MYB: variants seen among roughly 807,000 people sequenced by gnomAD.
The protein encoded by MYB is transcriptional activator Myb.
MYB carries 28 observed loss-of-function variants against 92.9 expected under a neutral mutation model. The observed-to-expected ratio is 0.30, with a 90% CI of 0.22 to 0.41. The LOEUF is 0.41. MYB is among the 10% of genes least tolerant of loss of function. The pLI is 1.00. For synonymous variants in MYB, 295 were observed against 329.1 expected (o/e 0.90, Z 1.12); for missense variants, 679 against 929.3 (o/e 0.73, Z 3.50).
chr6:135,190,097 CAT>C lies in MYB; in HGVS notation c.307-28_307-27del. The C allele has an allele frequency of 1.5e-5, 24 of 1,600,450 alleles. No homozygotes were observed. Among genetic ancestry groups the C allele is most frequent in the Non-Finnish European group, 2.1e-5 (24 of 1,168,804 alleles). ...ACTGACTCATTACATAACTTTAAAA[CAT>C]AGGTTATTTTTGTGTGTTTATCTGA... On this transcript the variant is annotated intron_variant, in intron 4 of 15. Coordinates refer to ENST00000341911, the MANE Select transcript of MYB (RefSeq NM_001130173.2). The surrounding 1 kb of genome is among the most constrained non-coding windows in gnomAD (Gnocchi z 4.5).
intron 1 of MYB, among the ~76,000 whole-genome samples, chr6:135,184,112 C>G (rs928701780): frequency 3.9e-5 from 6 of 152,104 alleles, no homozygotes; most frequent in Non-Finnish European, 7.4e-5. Flanking sequence ...AATGACTACT[C>G]TGAAAAATGT....
At chr6:135,200,698 T>C (rs1448938036) in intron 13 of MYB, 1 of 407,732 alleles carries the variant, frequency 2.5e-6, no homozygotes, top group Middle Eastern at 3.5e-4. Flanking sequence ...TTTTAAACAT[T>C]ACTGATTATA....
intron 15 of MYB, among the ~76,000 whole-genome samples, chr6:135,206,278 A>G (rs376522442): frequency 6.4e-4 from 97 of 151,066 alleles, no homozygotes; most frequent in African/African-American, 2.3e-3. Flanking sequence ...CATACCTGTA[A>G]TCCTAGCTAC....
Position 135,199,068 on chromosome 6 carries a change from G to A in MYB, c.1709+18G>A. On this transcript the variant is annotated intron_variant, in intron 11 of 15. Coordinates refer to ENST00000341911, the MANE Select transcript of MYB (RefSeq NM_001130173.2). ...AATACTGTGTAAGTCTTTGGTTCAG[G>A]AATAAAATGATTTATCTTATTTACT... 6.4e-7 allele frequency: 1 copy of A among 1,551,780 alleles called. No individual in the cohort carries two copies. The highest frequency in any genetic ancestry group is 1.2e-5 in the South Asian group (1 of 81,630).
intron 1 of MYB, among the ~76,000 whole-genome samples, chr6:135,185,142 GAGTA>G (rs1279784293): frequency 2.0e-5 from 3 of 152,252 alleles, no homozygotes; most frequent in Admixed American, 6.5e-5. Flanking sequence ...GAAAAAACAA[GAGTA>G]AGTAAGACTC....
Position 135,195,845 on chromosome 6 carries a change from G to A in MYB, c.1046G>A (p.Gly349Glu), listed in dbSNP as rs764278331. 1.2e-6 allele frequency: 2 copies of A among 1,614,042 alleles called. No individual in the cohort carries two copies. Among genetic ancestry groups the A allele is most frequent in the Admixed American group, 1.7e-5 (1 of 60,006 alleles). ...GACAGTGCACCTGTTTCCTGTTTGG[G>A]AGAACACCACTCCACTCCATCTCTG... The part of the protein sequence containing the change: ...HGDSAPVSCL[G>E]EHHSTPSLPA... The change falls in exon 9 of 16, where the codon GGA (glycine) becomes GAA (glutamate). Residue 349 changes from glycine (G) to glutamate (E), a missense_variant. Around this residue, in one of 8 missense-constraint regions of MYB, gnomAD observed 56 missense variants for 55.8 expected, o/e 1.00. Coordinates refer to ENST00000341911, the MANE Select transcript of MYB (RefSeq NM_001130173.2).
chr6:135,193,214 G>T (rs922206599), intron 6 of MYB, among the ~76,000 whole-genome samples: 4 of 151,746 alleles, frequency 2.6e-5, no homozygotes, highest in African/African-American at 9.7e-5. Context: ...CATAATAGGT[G>T]GAAAAAGAAG....
At chr6:135,199,977 G>T in intron 11 of MYB, 108 bp from the exon 12 acceptor site, 1 of 849,622 alleles carries the variant, frequency 1.2e-6, no homozygotes, top group Non-Finnish European at 1.9e-6. Flanking sequence ...TTCCATATCC[G>T]GAACAGAGTT....
At chr6:135,213,880 G>A (rs210944) in intron 15 of MYB, among the ~76,000 whole-genome samples, 93,473 of 151,836 alleles carry the variant, frequency 0.62, 31,051 homozygotes, top group African/African-American at 0.9. Flanking sequence ...TCTCAAAAAC[G>A]AAAACAAAAA....
At position 135,218,059 on chromosome 6, in the gene MYB, T is replaced by C; in HGVS notation, c.*79T>C. 4.4e-6 allele frequency: 5 copies of C among 1,140,838 alleles called. No homozygotes were observed. The highest frequency in any genetic ancestry group is 5.3e-6 in the Non-Finnish European group (4 of 754,134). The allele number at this position is 1,140,838 out of a possible 1,614,324, so 70.7% of individuals were successfully genotyped here. ...TATATCATTCCTCAACATGAAACTT[T>C]TCATGAATGGGAGAAGAACCTATTT... On this transcript the variant is annotated 3_prime_UTR_variant, in exon 16 of 16. Coordinates refer to ENST00000341911, the MANE Select transcript of MYB (RefSeq NM_001130173.2).
rs1780760372 is a variant in MYB at position 135,218,961 on chromosome 6, A to G, written c.*981A>G. ...CTGTTTTATAATTTGGGAGTTCTGC[A>G]TTTGATCCGCATCCCCTGTGGTTTC... On this transcript the variant is annotated 3_prime_UTR_variant, in exon 16 of 16. Transcript: ENST00000341911. 1 of 225,992 alleles carries G rather than the reference A, an allele frequency of 4.4e-6. No homozygotes were observed. The highest frequency in any genetic ancestry group is 1.8e-4 in the South Asian group (1 of 5,462). 14.0% of individuals were successfully genotyped at this position (225,992 alleles called of 1,614,324 possible). A position where few individuals can be genotyped will look rare whatever the true frequency, so the allele number is the denominator to read the frequency against.
intron 10 of MYB, 136 bp from the exon 11 acceptor site, chr6:135,198,772 C>T (rs960483058): frequency 5.9e-6 from 4 of 674,854 alleles, no homozygotes; most frequent in Non-Finnish European, 7.2e-6. Flanking sequence ...GTCAATATAA[C>T]ATGCTTGTTA....
At chr6:135,207,632 G>A (rs1206037367) in intron 15 of MYB, among the ~76,000 whole-genome samples, 1 of 151,922 alleles carries the variant, frequency 6.6e-6, no homozygotes, top group Non-Finnish European at 1.5e-5. Context: ...GAGAAGCTAT[G>A]TGTTTGACAT....
Position 135,217,807 on chromosome 6 carries a change from G to A in MYB, c.2170-57G>A, listed in dbSNP as rs938340599. 16 of 1,227,052 alleles carry A rather than the reference G, an allele frequency of 1.3e-5. No homozygotes were observed. The Admixed American group carries it at 2.5e-4, about 19-fold the overall frequency. The allele number at this position is 1,227,052 out of a possible 1,614,324, so 76.0% of individuals were successfully genotyped here. ...TGTTGGTCAGTGCTGGCCCTGCTGGGTCTATAGAATGAGCTTCTTTGTCTG... is the reference window on the plus strand; with the variant it reads ...TGTTGGTCAGTGCTGGCCCTGCTGGATCTATAGAATGAGCTTCTTTGTCTG... On this transcript the variant is annotated intron_variant, in intron 15 of 15. Coordinates refer to ENST00000341911, the MANE Select transcript of MYB (RefSeq NM_001130173.2).
At chr6:135,196,733 G>A (rs1392489575) in intron 9 of MYB, 1 of 1,503,200 alleles carries the variant, frequency 6.7e-7, no homozygotes, top group Non-Finnish European at 8.9e-7. Flanking sequence ...CAGATGTAGA[G>A]TGTCGGGAGG....
intron 10 of MYB, 31 bp downstream of exon 10, chr6:135,197,354 C>G (rs201628674): frequency 5.3e-6 from 8 of 1,506,258 alleles, no homozygotes; most frequent in Non-Finnish European, 7.3e-6. Flanking sequence ...AGCTGTTACT[C>G]ATTTTCAACA....
chr6:135,207,947 G>A (rs369991719), intron 15 of MYB, among the ~76,000 whole-genome samples: 2 of 151,752 alleles, frequency 1.3e-5, no homozygotes, highest in Non-Finnish European at 2.9e-5. Flanking sequence ...GGCTGGTCTC[G>A]AACTGCTGAC....
chr6:135,191,135 T>C (rs541554457), intron 5 of MYB, among the ~76,000 whole-genome samples: 31 of 152,348 alleles, frequency 2.0e-4, no homozygotes, highest in Admixed American at 1.4e-3. Flanking sequence ...AATTTTTTAC[T>C]TCATTGATTA....
intron 8 of MYB, chr6:135,195,231 T>C: frequency 2.0e-6 from 1 of 497,608 alleles, no homozygotes; most frequent in Non-Finnish European, 3.1e-6. Flanking sequence ...GTTAATTTGC[T>C]CTTCTGCTTT....
Sources: allele counts gnomAD v4.1 joint callset (sites outside exome capture counted in the v4.1 genomes callset), GRCh38; gene constraint gnomAD v4.1.1; regional missense constraint gnomAD v4.1.1; non-coding constraint Gnocchi (gnomAD v3.1); transcripts MANE v1.5; gene names NCBI Gene and HGNC (gene_info 2026-07-23, HGNC 2026-07-21).